The following CCDC88A variants were observed in gnomAD, a reference collection of about 807,000 sequenced individuals.
CCDC88A encodes coiled-coil and HOOK domain protein 88A.
CCDC88A carries 54 observed loss-of-function variants against 234.3 expected under a neutral mutation model. The observed-to-expected ratio is 0.23, with a 90% confidence interval of 0.19 to 0.29. CCDC88A has a LOEUF of 0.29. Ranked by LOEUF, CCDC88A falls within the 10% of genes least tolerant of loss-of-function variation. CCDC88A has a pLI of 1.00. For missense variants in CCDC88A, 1,832 were observed against 2,123.4 expected (o/e 0.86, Z 2.70); for synonymous variants, 753 against 737.8 (o/e 1.02, Z -0.33).
At chr2:55,311,191 C>A (rs1358590696) in intron 23 of CCDC88A, among the ~76,000 whole-genome samples, 1 of 152,072 alleles carries the variant, frequency 6.6e-6, no homozygotes. Context: ...CTAAAACAAG[C>A]CTTCTTTTGA....
At chr2:55,299,156 A>G (rs1245673572) in intron 29 of CCDC88A, among the ~76,000 whole-genome samples, 4 of 152,118 alleles carry the variant, frequency 2.6e-5, no homozygotes, top group Non-Finnish European at 5.9e-5. Context: ...GTGAGCTGAG[A>G]TCACACCACT....
At chr2:55,390,774 A>T (rs535729778) in intron 2 of CCDC88A, among the ~76,000 whole-genome samples, 1 of 152,300 alleles carries the variant, frequency 6.6e-6, no homozygotes, top group East Asian at 1.9e-4. Context: ...ACACATTCAG[A>T]AAAGAATACC....
intron 17 of CCDC88A, chr2:55,324,365 G>C (rs1357660579): frequency 1.3e-5 from 2 of 152,130 alleles, no homozygotes; most frequent in African/African-American, 4.8e-5. Flanking sequence ...CATCACTCTA[G>C]AAAGATCACT....
chr2:55,412,774 A>G (rs1354947969), intron 2 of CCDC88A, among the ~76,000 whole-genome samples: 2 of 152,246 alleles, frequency 1.3e-5, no homozygotes, highest in African/African-American at 4.8e-5. Flanking sequence ...CACTTTCTAT[A>G]TGTTAAGCAT....
In CCDC88A at chr2:55,388,365, T is replaced by C. The variant is rs561583244; in HGVS notation, c.273+413A>G. On this transcript the variant is annotated intron_variant, in intron 3 of 32. Transcript: ENST00000436346. ...TACCAAAATTTATGCAATGCAGATA[T>C]AGCAATTTTGAGAGGTATATTGAAA... is the stretch of plus-strand genomic sequence containing the variant. Among the ~76,000 whole-genome samples, 8 of 152,196 alleles carry C rather than the reference T, an allele frequency of 5.3e-5. No homozygotes were observed. In the South Asian group the frequency reaches 1.5e-3, roughly 28 times the overall value.
At chr2:55,333,954 A>C in intron 15 of CCDC88A, 140 bp downstream of exon 15, 1 of 401,976 alleles carries the variant, frequency 2.5e-6, no homozygotes, top group Non-Finnish European at 4.5e-6. Flanking sequence ...CTTGGAAGCT[A>C]TTTCTAGTTC....
chr2:55,370,542 G>A (rs1322041763), intron 5 of CCDC88A, among the ~76,000 whole-genome samples: 1 of 148,232 alleles, frequency 6.7e-6, no homozygotes, highest in Non-Finnish European at 1.5e-5. Flanking sequence ...TTGGTAGGTT[G>A]AGGCAGGATA....
At chr2:55,402,285 T>G (rs544494799) in intron 2 of CCDC88A, among the ~76,000 whole-genome samples, 1 of 152,344 alleles carries the variant, frequency 6.6e-6, no homozygotes, top group Non-Finnish European at 1.5e-5. Flanking sequence ...TTCACTTCTT[T>G]GCAAATCTCA....
At chr2:55,346,068 G>T in intron 10 of CCDC88A, 107 bp downstream of exon 10, 1 of 722,692 alleles carries the variant, frequency 1.4e-6, no homozygotes. Flanking sequence ...TGTATTTACT[G>T]TTTGTTCACC....
At chr2:55,414,484 T>C (rs1681020483) in intron 2 of CCDC88A, among the ~76,000 whole-genome samples, 1 of 152,220 alleles carries the variant, frequency 6.6e-6, no homozygotes, top group Admixed American at 6.5e-5. Flanking sequence ...CTGAATAGCT[T>C]TCCTCTTCCT....
At chr2:55,344,615 C>G (rs1205665155) in intron 10 of CCDC88A, 101 bp from the exon 11 acceptor site, 6 of 619,462 alleles carry the variant, frequency 9.7e-6, no homozygotes, top group Non-Finnish European at 1.5e-5. Flanking sequence ...ATCAACAGTT[C>G]TATGCATGAG....
intron 3 of CCDC88A, among the ~76,000 whole-genome samples, chr2:55,380,189 T>C (rs893756278): frequency 6.6e-6 from 1 of 151,230 alleles, no homozygotes; most frequent in Non-Finnish European, 1.5e-5. Flanking sequence ...TGAGCCAAGA[T>C]TGCACCACTG....
intron 8 of CCDC88A, chr2:55,349,813 G>A: frequency 2.2e-6 from 1 of 445,424 alleles, no homozygotes; most frequent in Admixed American, 4.1e-5. Flanking sequence ...TTTTCCAAAG[G>A]CTAATGTTCT....
chr2:55,295,695 C>A lies in CCDC88A; in HGVS notation c.5453G>T (p.Arg1818Met). ...VISTAEGTTR[R>M]TSIHDFLTKD... The stretch of plus-strand genomic sequence containing the variant: ...GGTCAAAAAATCATGGATGCTTGTC[C>A]TTCGTGTAGTTCCTTCGGCAGTTGA... Residue 1818 changes from arginine (R) to methionine (M), a missense_variant, in exon 31 of 33, where the codon AGG (arginine) becomes ATG (methionine). Physicochemically the swap from Arg to Met is moderately conservative, Grantham distance 91. This residue lies in a region of CCDC88A where 422 missense variants were observed against 416.5 expected (regional missense o/e 1.01). Transcript: ENST00000436346. The A allele has an allele frequency of 6.2e-7, 1 of 1,614,184 alleles. No homozygotes were observed. The highest frequency in any genetic ancestry group is 8.5e-7 in the Non-Finnish European group (1 of 1,180,028).
At chr2:55,374,673 A>G in intron 4 of CCDC88A, 141 bp downstream of exon 4, 1 of 483,670 alleles carries the variant, frequency 2.1e-6, no homozygotes. Flanking sequence ...GTCTCTTTCT[A>G]TAAAATGGAA....
chr2:55,315,496 T>C (rs2917776), intron 22 of CCDC88A: 80,056 of 152,360 alleles, frequency 0.53, 22,125 homozygotes, highest in Admixed American at 0.63. Context: ...AGGAGTTGAT[T>C]TGCCACATTT....
chr2:55,389,131 T>C (rs1343959980), intron 2 of CCDC88A, among the ~76,000 whole-genome samples: 1 of 152,198 alleles, frequency 6.6e-6, no homozygotes, highest in Non-Finnish European at 1.5e-5. Context: ...AGATGTTGCC[T>C]TTCATTGTCA....
At chr2:55,364,686 AG>A (rs1316229069) in intron 5 of CCDC88A, among the ~76,000 whole-genome samples, 4 of 152,140 alleles carry the variant, frequency 2.6e-5, no homozygotes, top group African/African-American at 9.6e-5. Context: ...AATGGAATAA[AG>A]GGGGTAATTC....
intron 29 of CCDC88A, among the ~76,000 whole-genome samples, chr2:55,298,604 C>T (rs753436620): frequency 2.6e-5 from 4 of 151,946 alleles, no homozygotes; most frequent in Non-Finnish European, 5.9e-5. Context: ...CAGAGAGTAA[C>T]TATGATATAT....
Sources: gnomAD v4.1 joint callset for allele counts (sites outside exome capture counted in the v4.1 genomes callset) on GRCh38, gnomAD v4.1.1 for gene constraint, gnomAD v4.1.1 regional missense constraint, MANE v1.5 for transcripts, NCBI Gene and HGNC (gene_info 2026-07-23, HGNC 2026-07-21) for gene names.